Variants in KLF7 observed in about 807,000 individuals in gnomAD.
KLF7 encodes the protein KLF transcription factor 7, also known as Krueppel-like factor 7.
In KLF7, 2 loss-of-function variants were observed where a neutral mutation model predicts 27.3. The observed-to-expected ratio is 0.07, with a 90% confidence interval of 0.03 to 0.23. KLF7 has a LOEUF of 0.23. KLF7 is among the 10% of genes least tolerant of loss of function. The pLI is 1.00. For synonymous variants in KLF7, 165 were observed against 162.4 expected, an observed-to-expected ratio of 1.02 and a Z score of -0.12; for missense variants, 221 against 394.1, an observed-to-expected ratio of 0.56 and a Z score of 3.72.
chr2:207,170,394 TTAAAG>T (rs2078777019), upstream of KLF7, among the ~76,000 whole-genome samples: 1 of 152,130 alleles, frequency 6.6e-6, no homozygotes, highest in Non-Finnish European at 1.5e-5. Context: ...CTCCATGACA[TTAAAG>T]TACAAGGGAA....
At chr2:207,160,571 T>G (rs981399878) in intron 1 of KLF7, among the ~76,000 whole-genome samples, 3 of 139,256 alleles carry the variant, frequency 2.2e-5, no homozygotes, top group Non-Finnish European at 4.8e-5. Context: ...CAGATGGGAC[T>G]GGCCAGAGGA....
chr2:207,099,953 G>C (rs1013225251), intron 2 of KLF7, among the ~76,000 whole-genome samples: 12 of 152,028 alleles, frequency 7.9e-5, no homozygotes, highest in African/African-American at 2.9e-4. Flanking sequence ...AATGTGGTAG[G>C]TCCCTGTCTC....
chr2:207,101,862 T>G (rs752690984), intron 2 of KLF7, among the ~76,000 whole-genome samples: 6 of 152,156 alleles, frequency 3.9e-5, no homozygotes, highest in Non-Finnish European at 5.9e-5. Context: ...TCTATGTAGC[T>G]CCACAAAACC....
intron 2 of KLF7, among the ~76,000 whole-genome samples, chr2:207,114,700 C>T (rs1339816838): frequency 6.6e-6 from 1 of 152,140 alleles, no homozygotes; most frequent in Admixed American, 6.6e-5. Context: ...TACAAAACAT[C>T]CCTGCTAGGA....
chr2:207,094,795 A>AT (rs35208619), intron 2 of KLF7, among the ~76,000 whole-genome samples: 6 of 151,758 alleles, frequency 4.0e-5, no homozygotes, highest in South Asian at 2.1e-4. Context: ...GGTCTTAAAT[A>AT]TTTTTTTTCA....
At position 207,165,760 on chromosome 2, in the gene KLF7, G is replaced by C. The variant is rs979589612; in HGVS notation, c.-192C>G. On this transcript the variant is annotated 5_prime_UTR_variant, in exon 1 of 4. Transcript: ENST00000309446. ...GGAGAGGGAGAGAGGAGGTGAGAGAGGAGCGAGTGAGTGGGGTGGATGGAG... is the reference window on the plus strand; with the variant it reads ...GGAGAGGGAGAGAGGAGGTGAGAGACGAGCGAGTGAGTGGGGTGGATGGAG... The C allele has an allele frequency of 4.9e-6, 7 of 1,436,408 alleles. No individual in the cohort carries two copies. In the Admixed American group the frequency reaches 8.3e-5, roughly 17 times the overall value. The allele number at this position is 1,436,408 out of a possible 1,614,324, so 89.0% of individuals were successfully genotyped here.
chr2:207,089,315 AT>A (rs1449984243), intron 2 of KLF7, among the ~76,000 whole-genome samples: 3 of 152,226 alleles, frequency 2.0e-5, no homozygotes, highest in Non-Finnish European at 4.4e-5. Flanking sequence ...TTCAAAATCA[AT>A]TTGGAGAGCA....
intron 1 of KLF7, among the ~76,000 whole-genome samples, chr2:207,141,756 G>C (rs1374424795): frequency 2.0e-5 from 3 of 152,156 alleles, no homozygotes; most frequent in African/African-American, 7.2e-5. Context: ...AATGAAAGCA[G>C]AGGCAAAAGA....
intron 2 of KLF7, among the ~76,000 whole-genome samples, chr2:207,092,147 C>T (rs1167871329): frequency 2.0e-5 from 3 of 152,168 alleles, no homozygotes; most frequent in Non-Finnish European, 4.4e-5. Flanking sequence ...CATGGCCTTG[C>T]ACAACACTAT....
At position 207,149,208 on chromosome 2, in the gene KLF7, G is replaced by GA. The variant is rs775358809; in HGVS notation, c.102+16258dup. On this transcript the variant is annotated intron_variant, in intron 1 of 3. Transcript: ENST00000309446. ...ATGATCTTCAATAATTTTCTGAGGAGAAAAAATTAAAAATCTGTTAAAAGC... is the reference window on the plus strand; with the variant it reads ...ATGATCTTCAATAATTTTCTGAGGAGAAAAAAATTAAAAATCTGTTAAAAGC... 25 of 1,259,798 alleles carry GA rather than the reference G, an allele frequency of 2.0e-5. No individual in the cohort carries two copies. In the South Asian group the frequency reaches 3.1e-4, roughly 16 times the overall value. 78.0% of individuals were successfully genotyped at this position (1,259,798 alleles called of 1,614,324 possible).
At chr2:207,082,516 C>T (rs962593996) in intron 3 of KLF7, among the ~76,000 whole-genome samples, 1 of 152,232 alleles carries the variant, frequency 6.6e-6, no homozygotes, top group Admixed American at 6.5e-5. Flanking sequence ...AGGCTAACTG[C>T]AGTCTATAAC....
At chr2:207,140,238 A>C (rs2077903239) in intron 1 of KLF7, among the ~76,000 whole-genome samples, 1 of 152,142 alleles carries the variant, frequency 6.6e-6, no homozygotes. Flanking sequence ...TTTATTGAAG[A>C]CCTTATTTTG....
chr2:207,081,565 A>G (rs572209405), intron 3 of KLF7, among the ~76,000 whole-genome samples: 1 of 152,320 alleles, frequency 6.6e-6, no homozygotes, highest in South Asian at 2.1e-4. Flanking sequence ...AAATGAGATG[A>G]TCTATGCAAG....
chr2:207,144,943 GT>G (rs1365565319), intron 1 of KLF7, among the ~76,000 whole-genome samples: 2 of 152,080 alleles, frequency 1.3e-5, no homozygotes, highest in Admixed American at 6.5e-5. Context: ...TCCCAGAAAG[GT>G]TTTTTTCCCC....
rs1309461254 is a variant in KLF7, at chr2:207,078,649, G to A, written c.*2564C>T. The stretch of plus-strand genomic sequence containing the variant: ...GCGTGTGCGTGCATTCATGCTGGAG[G>A]CTGCTACATAAAGGAAAAGAAAGGA... On this transcript the variant is annotated 3_prime_UTR_variant, in exon 4 of 4. Transcript: ENST00000309446. The A allele has an allele frequency of 6.6e-6, 1 of 152,212 alleles. No individual in the cohort carries two copies. The highest frequency in any genetic ancestry group is 2.4e-5 in the African/African-American group (1 of 41,446). 9.4% of individuals were successfully genotyped at this position (152,212 alleles called of 1,614,324 possible). A position where few individuals can be genotyped will look rare whatever the true frequency, so the allele number is the denominator to read the frequency against.
chr2:207,113,987 A>C (rs182028331), intron 2 of KLF7, among the ~76,000 whole-genome samples: 1 of 152,342 alleles, frequency 6.6e-6, no homozygotes, highest in East Asian at 1.9e-4. Flanking sequence ...AGAATGAAAA[A>C]AACAAAAAGC....
intron 1 of KLF7, among the ~76,000 whole-genome samples, chr2:207,145,116 C>T (rs2078062304): frequency 6.6e-6 from 1 of 152,178 alleles, no homozygotes; most frequent in African/African-American, 2.4e-5. Context: ...GAATTGCCAC[C>T]ACTGATGACC....
At chr2:207,099,125 G>GT (rs1290814793) in intron 2 of KLF7, among the ~76,000 whole-genome samples, 19 of 152,104 alleles carry the variant, frequency 1.2e-4, no homozygotes, top group Admixed American at 6.5e-4. Context: ...AATTCCAGAG[G>GT]TTGGCAAAAG....
At chr2:207,162,130 T>C (rs1471868450) in intron 1 of KLF7, among the ~76,000 whole-genome samples, 1 of 152,188 alleles carries the variant, frequency 6.6e-6, no homozygotes, top group South Asian at 2.1e-4. Flanking sequence ...ATAAAAGCAT[T>C]GTATCAAATT....
Sources: gnomAD v4.1 joint callset for allele counts (sites outside exome capture counted in the v4.1 genomes callset) on GRCh38, gnomAD v4.1.1 for gene constraint, MANE v1.5 for transcripts, NCBI Gene and HGNC (gene_info 2026-07-23, HGNC 2026-07-21) for gene names.